The following JAZF1 variants were observed in gnomAD, a reference collection of about 807,000 sequenced individuals.
The protein encoded by JAZF1 is juxtaposed with another zinc finger protein 1.
A neutral mutation model predicts 26.4 loss-of-function variants in JAZF1; 8 were observed. The ratio of observed to expected loss-of-function variants is 0.30; its 90% CI spans 0.18 to 0.55. JAZF1 has a LOEUF of 0.55. JAZF1 is among the 20% of genes least tolerant of loss of function. The pLI is 0.94. For synonymous variants in JAZF1, 126 were observed against 122.3 expected (o/e 1.03, Z -0.20); for missense variants, 199 against 322.0 (o/e 0.62, Z 2.92).
At position 27,833,621 on chromosome 7, in the gene JAZF1, TCCTTA is replaced by T. The variant is rs1157137195; in HGVS notation, c.556-650_556-646del. Reference sequence around the variant, plus strand: ...TAATAAGCACCTGTAGTCAGACTAGTCCTTACCTTAAGTATTACATTCCAAACATA... The same window carrying T: ...TAATAAGCACCTGTAGTCAGACTAGTCCTTAAGTATTACATTCCAAACATA... On this transcript the variant is annotated intron_variant, in intron 4 of 4. Coordinates refer to ENST00000283928, the MANE Select transcript of JAZF1 (RefSeq NM_175061.4). Among the ~76,000 whole-genome samples the T allele has an allele frequency of 3.9e-5, 6 of 152,336 alleles. No individual in the cohort carries two copies. The South Asian group carries it at 8.3e-4, about 21-fold the overall frequency.
chr7:27,971,238 T>C (rs568512961), intron 2 of JAZF1, among the ~76,000 whole-genome samples: 12 of 152,304 alleles, frequency 7.9e-5, no homozygotes, highest in Non-Finnish European at 1.8e-4. Flanking sequence ...TGGATGTCCT[T>C]TCCTTCTAAG....
intron 2 of JAZF1, among the ~76,000 whole-genome samples, chr7:27,908,603 C>T (rs1352965597): frequency 6.6e-6 from 1 of 152,154 alleles, no homozygotes; most frequent in Non-Finnish European, 1.5e-5. Flanking sequence ...TGGAGTTGCT[C>T]AGGCTAAACT....
chr7:28,055,800 A>C (rs1783695558), intron 1 of JAZF1, among the ~76,000 whole-genome samples: 1 of 152,190 alleles, frequency 6.6e-6, no homozygotes, highest in African/African-American at 2.4e-5. Flanking sequence ...ACTGTGCTTT[A>C]ATACAGATCA....
At chr7:28,066,184 GA>G (rs1285430578) in intron 1 of JAZF1, among the ~76,000 whole-genome samples, 1 of 152,154 alleles carries the variant, frequency 6.6e-6, no homozygotes, top group Non-Finnish European at 1.5e-5. Context: ...AACAATTACA[GA>G]AACAAATCTC....
chr7:27,846,514 T>C (rs757269146), intron 3 of JAZF1: 1 of 471,084 alleles, frequency 2.1e-6, no homozygotes, highest in South Asian at 1.5e-5. Flanking sequence ...AACATGAGAG[T>C]GCAGACATCT....
chr7:27,894,427 G>A (rs1326144284), intron 3 of JAZF1, among the ~76,000 whole-genome samples: 5 of 152,106 alleles, frequency 3.3e-5, no homozygotes, highest in Non-Finnish European at 5.9e-5. Flanking sequence ...ATTATTATAG[G>A]CTAATCCTAA....
chr7:28,002,672 C>T (rs1782622833), intron 1 of JAZF1, among the ~76,000 whole-genome samples: 2 of 152,154 alleles, frequency 1.3e-5, no homozygotes, highest in Admixed American at 6.6e-5. Context: ...CATAATGGTA[C>T]ATAGAAAATC....
At chr7:28,061,854 T>A (rs910236085) in intron 1 of JAZF1, among the ~76,000 whole-genome samples, 1 of 152,240 alleles carries the variant, frequency 6.6e-6, no homozygotes, top group Non-Finnish European at 1.5e-5. Context: ...TTTTAAAGTA[T>A]CAAAATCAAT....
intron 1 of JAZF1, among the ~76,000 whole-genome samples, chr7:28,066,681 A>T (rs1783889054): frequency 6.6e-6 from 1 of 151,582 alleles, no homozygotes; most frequent in Non-Finnish European, 1.5e-5. Flanking sequence ...GATGATCCTC[A>T]ACCAGAGTAC....
In JAZF1 at chr7:27,938,692, G is replaced by A. The variant is rs985286159; in HGVS notation, c.189-43276C>T. ...TTGGTTGCTTTTAATGATTTTTTGA[G>A]ATACGGTCTGGCTCTGTTGCCCAGG... On this transcript the variant is annotated intron_variant, in intron 2 of 4. Coordinates refer to ENST00000283928, the MANE Select transcript of JAZF1 (RefSeq NM_175061.4). Among the ~76,000 whole-genome samples, 4 of 152,124 alleles carry A rather than the reference G, an allele frequency of 2.6e-5. No homozygotes were observed. The South Asian group carries it at 8.3e-4, about 32-fold the overall frequency.
intron 1 of JAZF1, among the ~76,000 whole-genome samples, chr7:28,060,729 A>G (rs958487615): frequency 1.2e-4 from 19 of 152,258 alleles, no homozygotes; most frequent in African/African-American, 4.3e-4. Flanking sequence ...TACCAGTTCC[A>G]TGGTGGGAGG....
intron 1 of JAZF1, among the ~76,000 whole-genome samples, chr7:28,144,350 A>T (rs1782996544): frequency 6.6e-6 from 1 of 152,276 alleles, no homozygotes; most frequent in Non-Finnish European, 1.5e-5. Context: ...TATTCTCAGC[A>T]CACTGCATCG....
chr7:27,857,524 C>T (rs1783291833), intron 3 of JAZF1, among the ~76,000 whole-genome samples: 1 of 152,228 alleles, frequency 6.6e-6, no homozygotes, highest in South Asian at 2.1e-4. Flanking sequence ...GAGGAGGCGC[C>T]GAGAGCGAGC....
intron 1 of JAZF1, among the ~76,000 whole-genome samples, chr7:28,001,888 T>C (rs187743779): frequency 1.5e-4 from 23 of 152,314 alleles, no homozygotes; most frequent in Non-Finnish European, 2.6e-4. Context: ...ACTTTTCTTA[T>C]GTTATAGATC....
At chr7:28,018,963 G>C (rs1013443906) in intron 1 of JAZF1, among the ~76,000 whole-genome samples, 1 of 152,188 alleles carries the variant, frequency 6.6e-6, no homozygotes, top group Admixed American at 6.5e-5. Context: ...CAGAGATCCT[G>C]AGAGTCCTGT....
At chr7:27,972,807 A>C (rs1051115309) in intron 2 of JAZF1, among the ~76,000 whole-genome samples, 6 of 152,138 alleles carry the variant, frequency 3.9e-5, no homozygotes, top group African/African-American at 1.2e-4. Context: ...AGGATGTTAC[A>C]CGAAAAACAA....
chr7:27,893,306 G>T (rs1231030696), intron 3 of JAZF1, among the ~76,000 whole-genome samples: 4 of 152,244 alleles, frequency 2.6e-5, no homozygotes, highest in Non-Finnish European at 5.9e-5. Context: ...GGATGACAGA[G>T]AAATACGTAA....
chr7:27,955,238 C>T (rs1417433949), intron 2 of JAZF1, among the ~76,000 whole-genome samples: 3 of 152,186 alleles, frequency 2.0e-5, no homozygotes, highest in Non-Finnish European at 2.9e-5. Flanking sequence ...TGAAACACAT[C>T]CTTTGTAGCT....
intron 1 of JAZF1, among the ~76,000 whole-genome samples, chr7:28,135,624 C>G (rs1782870898): frequency 6.6e-6 from 1 of 152,124 alleles, no homozygotes; most frequent in Non-Finnish European, 1.5e-5. Flanking sequence ...TTTGAAAGAA[C>G]ACGGAGAAGA....
Sources: allele counts gnomAD v4.1 joint callset (sites outside exome capture counted in the v4.1 genomes callset), GRCh38; gene constraint gnomAD v4.1.1; transcripts MANE v1.5; gene names NCBI Gene and HGNC (gene_info 2026-07-23, HGNC 2026-07-21).